The following CADPS variants were observed in gnomAD, a reference collection of about 807,000 sequenced individuals.
The protein encoded by CADPS is calcium-dependent secretion activator 1.
CADPS carries 57 observed loss-of-function variants against 167.3 expected under a neutral mutation model. That is an observed-to-expected ratio of 0.34 (90% CI 0.28 to 0.42). The LOEUF (loss-of-function observed/expected upper bound fraction) is 0.42. Ranked by LOEUF, CADPS falls within the 20% of genes least tolerant of loss-of-function variation. The probability of loss-of-function intolerance (pLI) is 1.00; values close to 1 mark genes in which losing one functional copy is unlikely to be tolerated. For missense variants in CADPS, 1,414 were observed against 1,738.1 expected (o/e 0.81, Z 3.32); for synonymous variants, 676 against 635.3 (o/e 1.06, Z -0.96).
At chr3:62,870,092 G>C (rs1243875254) in intron 1 of CADPS, among the ~76,000 whole-genome samples, 1 of 152,152 alleles carries the variant, frequency 6.6e-6, no homozygotes, top group Non-Finnish European at 1.5e-5. Flanking sequence ...GAAAGTCTCT[G>C]CTATCAGTGC....
intron 13 of CADPS, among the ~76,000 whole-genome samples, chr3:62,528,555 T>C (rs2072882190): frequency 6.6e-6 from 1 of 152,214 alleles, no homozygotes; most frequent in South Asian, 2.1e-4. Context: ...TTTCACTTGT[T>C]ATTGTAATCC....
chr3:62,709,049 G>C (rs2082874178), intron 3 of CADPS, among the ~76,000 whole-genome samples: 2 of 151,976 alleles, frequency 1.3e-5, no homozygotes, highest in East Asian at 3.9e-4. Flanking sequence ...ACTTATAAGA[G>C]CCTAATTCTA....
chr3:62,759,046 C>T (rs528314423), intron 2 of CADPS, among the ~76,000 whole-genome samples: 1 of 152,256 alleles, frequency 6.6e-6, no homozygotes, highest in Non-Finnish European at 1.5e-5. Context: ...AAGAAACACA[C>T]ACCTCGTTGC....
intron 2 of CADPS, among the ~76,000 whole-genome samples, chr3:62,760,385 G>A (rs571742471): frequency 2.6e-5 from 4 of 151,924 alleles, no homozygotes; most frequent in South Asian, 2.1e-4. Flanking sequence ...CACCTCTGTC[G>A]GACACAATTT....
chr3:62,635,657 T>C (rs2066150783), intron 6 of CADPS, among the ~76,000 whole-genome samples: 1 of 151,896 alleles, frequency 6.6e-6, no homozygotes, highest in Non-Finnish European at 1.5e-5. Flanking sequence ...TTTTTTTTTT[T>C]TTTTTTCCCC....
chr3:62,615,590 G>A (rs528517722), intron 6 of CADPS, among the ~76,000 whole-genome samples: 1 of 152,210 alleles, frequency 6.6e-6, no homozygotes, highest in East Asian at 1.9e-4. Context: ...CTGGGACCCC[G>A]GTTTACACTC....
chr3:62,851,195 T>A (rs1373475091), intron 1 of CADPS, among the ~76,000 whole-genome samples: 1 of 141,978 alleles, frequency 7.0e-6, no homozygotes, highest in Admixed American at 7.3e-5. Flanking sequence ...GTTTCCTGAA[T>A]ACAGCACATT....
chr3:62,454,040 A>T (rs181321038), intron 26 of CADPS, among the ~76,000 whole-genome samples: 2 of 152,196 alleles, frequency 1.3e-5, no homozygotes, highest in Non-Finnish European at 2.9e-5. Flanking sequence ...CCAGATGTCC[A>T]TTGCTTGAAA....
intron 19 of CADPS, among the ~76,000 whole-genome samples, chr3:62,492,717 T>G (rs1397393805): frequency 1.3e-5 from 2 of 152,186 alleles, no homozygotes; most frequent in East Asian, 3.9e-4. Context: ...ACGTGGAACT[T>G]CTGTTCAATT....
chr3:62,846,359 TGTTTA>T (rs2077432498), intron 1 of CADPS, among the ~76,000 whole-genome samples: 1 of 152,196 alleles, frequency 6.6e-6, no homozygotes. Flanking sequence ...AAATGTATAA[TGTTTA>T]GTTATTTCTC....
intron 8 of CADPS, among the ~76,000 whole-genome samples, chr3:62,576,813 A>AAAAAAAAAAAAAAAAAAG (rs1562375615): frequency 2.7e-5 from 4 of 149,290 alleles, no homozygotes; most frequent in African/African-American, 1.0e-4. Context: ...AAAAAAAAAA[A>AAAAAAAAAAAAAAAAAAG]AAAAGCAGTC....
chr3:62,817,441 T>G (rs1011895186), intron 1 of CADPS, among the ~76,000 whole-genome samples: 6 of 152,186 alleles, frequency 3.9e-5, no homozygotes, highest in Admixed American at 1.3e-4. Context: ...ATTGCCTTAA[T>G]TAAGGCAGCA....
At chr3:62,665,268 T>A (rs909916962) in intron 3 of CADPS, among the ~76,000 whole-genome samples, 8 of 152,188 alleles carry the variant, frequency 5.3e-5, no homozygotes, top group African/African-American at 1.7e-4. Flanking sequence ...CTAGAGTAAA[T>A]AATTGTTTTT....
intron 18 of CADPS, among the ~76,000 whole-genome samples, chr3:62,495,642 C>T (rs1178391544): frequency 3.3e-5 from 5 of 152,174 alleles, no homozygotes; most frequent in South Asian, 2.1e-4. Context: ...ATATTTTGCA[C>T]ACAAACTAAC....
At chr3:62,493,539 C>A in intron 19 of CADPS, 106 bp downstream of exon 19, 1 of 816,648 alleles carries the variant, frequency 1.2e-6, no homozygotes, top group Non-Finnish European at 1.9e-6. Context: ...GTTCAATGGC[C>A]AAGCTCTTCT....
At chr3:62,746,822 C>T (rs1485319467) in intron 3 of CADPS, among the ~76,000 whole-genome samples, 3 of 152,288 alleles carry the variant, frequency 2.0e-5, no homozygotes, top group Admixed American at 6.5e-5. Flanking sequence ...GCCTCGCCAG[C>T]ACCTTAATTC....
chr3:62,442,660 G>A (rs2056546209), intron 27 of CADPS, among the ~76,000 whole-genome samples: 1 of 152,152 alleles, frequency 6.6e-6, no homozygotes, highest in South Asian at 2.1e-4. Context: ...GAGTTGGAGA[G>A]AGATGCACAT....
In CADPS at chr3:62,544,943, A is replaced by G; in HGVS notation, c.1966+4960T>C. The stretch of plus-strand genomic sequence containing the variant: ...GCTCAGGAAAGCAGACAGGAGTTCT[A>G]ACCTAGCAGCCTAAGTTCTTGGGTT... On this transcript the variant is annotated intron_variant, in intron 11 of 29. Coordinates refer to ENST00000383710, the MANE Select transcript of CADPS (RefSeq NM_003716.4). This position sits in a 1 kb window ranked among gnomAD's most constrained non-coding sequence, Gnocchi z 4.4. The G allele has an allele frequency of 1.3e-6, 1 of 753,844 alleles. No homozygotes were observed. Among genetic ancestry groups the G allele is most frequent in the Non-Finnish European group, 1.8e-6 (1 of 565,704 alleles). 46.7% of individuals were successfully genotyped at this position (753,844 alleles called of 1,614,324 possible).
intron 6 of CADPS, among the ~76,000 whole-genome samples, chr3:62,621,995 C>G (rs996348084): frequency 2.6e-5 from 4 of 151,892 alleles, no homozygotes; most frequent in African/African-American, 4.8e-5. Context: ...TCCCACTCAT[C>G]CCACCCATCC....
Sources: gnomAD v4.1 joint callset for allele counts (sites outside exome capture counted in the v4.1 genomes callset) on GRCh38, gnomAD v4.1.1 for gene constraint, Gnocchi (gnomAD v3.1) non-coding constraint, MANE v1.5 for transcripts, NCBI Gene and HGNC (gene_info 2026-07-23, HGNC 2026-07-21) for gene names.